ABCC5: variants seen among roughly 807,000 people sequenced by gnomAD.
The protein encoded by ABCC5 is ATP binding cassette subfamily C member 5, also known as ATP-binding cassette sub-family C member 5.
ABCC5 carries 61 observed loss-of-function variants against 160.9 expected under a neutral mutation model. That is an observed-to-expected ratio of 0.38 (90% confidence interval 0.31 to 0.47). ABCC5 has a LOEUF of 0.47. Ranked by LOEUF, ABCC5 falls within the 20% of genes least tolerant of loss-of-function variation. The probability of loss-of-function intolerance (pLI) is 0.99; values close to 1 mark genes in which losing one functional copy is unlikely to be tolerated. For synonymous variants in ABCC5, 666 were observed against 700.6 expected (o/e 0.95, Z 0.78); for missense variants, 1,308 against 1,813.3 (o/e 0.72, Z 5.06).
At position 183,951,898 on chromosome 3, in the gene ABCC5, T is replaced by A. The variant is rs1559998842; in HGVS notation, c.2773A>T (p.Met925Leu). The part of the protein sequence containing the change: ...ASIYALSMAV[M>L]LILKAIRGVV... Reference sequence around the variant, plus strand: ...CCTCGAATGGCTTTCAGGATCAGCATGACTGCCATGGAGAGGGCGTAGATG... The same window carrying A: ...CCTCGAATGGCTTTCAGGATCAGCAAGACTGCCATGGAGAGGGCGTAGATG... The change falls in exon 19 of 30, where the codon ATG (methionine) becomes TTG (leucine). Residue 925 changes from methionine to leucine, a missense_variant. Around this residue, in one of 3 missense-constraint regions of ABCC5, gnomAD observed 1,142 missense variants for 1,527.1 expected, o/e 0.75. Coordinates refer to ENST00000334444, the MANE Select transcript of ABCC5 (RefSeq NM_005688.4). This position sits in a 1 kb window ranked among gnomAD's most constrained non-coding sequence, Gnocchi z 4.7. The A allele has an allele frequency of 2.5e-6, 4 of 1,614,032 alleles. No homozygotes were observed. The highest frequency in any genetic ancestry group is 2.5e-6 in the Non-Finnish European group (3 of 1,179,914).
In ABCC5 at chr3:183,953,272, T is replaced by C; in HGVS notation, c.2483-2A>G. 2 of 1,588,236 alleles carry C rather than the reference T, an allele frequency of 1.3e-6. No individual in the cohort carries two copies. The highest frequency in any genetic ancestry group is 1.1e-5 in the South Asian group (1 of 87,962). ...TCTCTTCCAGCTGCACAAGCTGCCC[T>C]AGGTAAGAAAAAAAGAAACATGGAC... is the stretch of plus-strand genomic sequence containing the variant. On this transcript the variant is annotated splice_acceptor_variant, in intron 17 of 29. Coordinates refer to ENST00000334444, the MANE Select transcript of ABCC5 (RefSeq NM_005688.4). LOFTEE classifies it high-confidence loss of function.
intron 26 of ABCC5, among the ~76,000 whole-genome samples, chr3:183,929,562 C>G (rs1362730140): frequency 2.0e-5 from 3 of 152,154 alleles, no homozygotes; most frequent in Non-Finnish European, 4.4e-5. Context: ...GACAGCTGGC[C>G]TGACCAGGGA....
chr3:183,953,631 G>C (rs373880530), intron 17 of ABCC5, among the ~76,000 whole-genome samples: 1 of 152,158 alleles, frequency 6.6e-6, no homozygotes, highest in Non-Finnish European at 1.5e-5. Flanking sequence ...GGAACCCCTG[G>C]GAGGCATACT....
rs907269689 is a variant in ABCC5 at position 183,963,140 on chromosome 3, C to G, written c.2235+245G>C. Among the ~76,000 whole-genome samples the G allele has an allele frequency of 1.3e-5, 2 of 152,220 alleles. No homozygotes were observed. The highest frequency in any genetic ancestry group is 4.8e-5 in the African/African-American group (2 of 41,458). On this transcript the variant is annotated intron_variant, in intron 15 of 29. Transcript: ENST00000334444. The surrounding 1 kb of genome is among the most constrained non-coding windows in gnomAD (Gnocchi z 4.6). The stretch of plus-strand genomic sequence containing the variant: ...CAAACTCCATTTTTGGCCTGCTCCT[C>G]TCAGCCCTTTTACTTGCTGATCTAT...
intron 23 of ABCC5, 70 bp from the exon 24 acceptor site, chr3:183,946,009 T>A: frequency 1.5e-6 from 2 of 1,377,616 alleles, no homozygotes; most frequent in Non-Finnish European, 2.1e-6. Flanking sequence ...GCTGGAGAAC[T>A]TCCTTCATCT....
intron 27 of ABCC5, 116 bp from the exon 28 acceptor site, chr3:183,927,559 C>A: frequency 6.9e-7 from 1 of 1,456,974 alleles, no homozygotes; most frequent in South Asian, 1.3e-5. Flanking sequence ...AGCCAAGAAC[C>A]TGTCTCATCT....
chr3:183,988,035 T>C lies in ABCC5; in HGVS notation c.444-118A>G. On this transcript the variant is annotated intron_variant, in intron 4 of 29. Coordinates refer to ENST00000334444, the MANE Select transcript of ABCC5 (RefSeq NM_005688.4). This position sits in a 1 kb window ranked among gnomAD's most constrained non-coding sequence, Gnocchi z 4.4. ...GCCACCACTCACACAAGTCTCTCCT[T>C]TAAAATTATGTACATAGTCTTCACC... 1 of 1,128,548 alleles carries C rather than the reference T, an allele frequency of 8.9e-7. No homozygotes were observed. Among genetic ancestry groups the C allele is most frequent in the South Asian group, 1.4e-5 (1 of 69,080 alleles). The allele number at this position is 1,128,548 out of a possible 1,614,324, so 69.9% of individuals were successfully genotyped here.
intron 2 of ABCC5, among the ~76,000 whole-genome samples, chr3:184,001,918 G>A (rs1246031456): frequency 6.6e-6 from 1 of 152,206 alleles, no homozygotes; most frequent in African/African-American, 2.4e-5. Context: ...ACCCACAGCA[G>A]CTGCTTTGTC....
Position 183,942,926 on chromosome 3 carries a change from C to A in ABCC5, c.3505-10G>T. ...CTTCCAAGGACAGAGTCTGGGGAGA[C>A]AAGGGTGGCCAGTTCAGACTGACCA... On this transcript the variant is annotated splice_polypyrimidine_tract_variant and intron_variant, in intron 24 of 29. Transcript: ENST00000334444. The A allele has an allele frequency of 6.2e-7, 1 of 1,604,086 alleles. No individual in the cohort carries two copies. The highest frequency in any genetic ancestry group is 8.5e-7 in the Non-Finnish European group (1 of 1,174,222).
At position 184,012,868 on chromosome 3, in the gene ABCC5, T is replaced by C. The variant is rs1274815434; in HGVS notation, c.129+1396A>G. ...CAGAAAAGACTCATTAGCAAGAAAA[T>C]GTTCATTAATAAAGCAATGGCTTTA... On this transcript the variant is annotated intron_variant, in intron 2 of 29. Transcript: ENST00000334444. Among the ~76,000 whole-genome samples the C allele has an allele frequency of 3.3e-5, 5 of 152,100 alleles. No individual in the cohort carries two copies. The East Asian group carries it at 5.8e-4, about 18-fold the overall frequency.
At chr3:184,007,984 T>C (rs971442695) in intron 2 of ABCC5, among the ~76,000 whole-genome samples, 1 of 152,242 alleles carries the variant, frequency 6.6e-6, no homozygotes, top group African/African-American at 2.4e-5. Flanking sequence ...AAGTTCTTCA[T>C]TTCTCCAAAT....
intron 2 of ABCC5, among the ~76,000 whole-genome samples, chr3:183,995,634 T>C (rs73048403): frequency 1.1e-3 from 167 of 152,246 alleles, no homozygotes; most frequent in African/African-American, 3.9e-3. Context: ...CATTGATCTA[T>C]TTGTCTACCC....
At chr3:183,967,009 GTT>G (rs112821645) in intron 12 of ABCC5, among the ~76,000 whole-genome samples, 10 of 143,358 alleles carry the variant, frequency 7.0e-5, no homozygotes, top group South Asian at 4.5e-4. Flanking sequence ...TGGGCACCTT[GTT>G]TTTTTTTTTT....
chr3:183,922,361 GA>G (rs60053269), intron 29 of ABCC5, among the ~76,000 whole-genome samples: 61,341 of 152,014 alleles, frequency 0.4, 13,280 homozygotes, highest in East Asian at 0.5. Context: ...CAACAAGAGC[GA>G]AACTCCGTCT....
Position 183,927,325 on chromosome 3 carries a change from C to T in ABCC5, c.4047+5G>A, listed in dbSNP as rs375310847. 3.1e-6 allele frequency: 5 copies of T among 1,612,682 alleles called. No homozygotes were observed. The African/African-American group carries it at 6.7e-5, about 22-fold the overall frequency. ...TCTGCTGCTGCCAACCCCAAACTGC[C>T]TTACCTTACAGTGGCGGAGCAGGGC... On this transcript the variant is annotated splice_donor_5th_base_variant and intron_variant, in intron 28 of 29. Coordinates refer to ENST00000334444, the MANE Select transcript of ABCC5 (RefSeq NM_005688.4).
intron 2 of ABCC5, chr3:184,006,225 T>A (rs1393497013): frequency 6.8e-6 from 1 of 146,342 alleles, no homozygotes; most frequent in African/African-American, 2.6e-5. Flanking sequence ...CCAGACCAGA[T>A]ACGGTGTCAC....
rs1035864015 is a variant in ABCC5 at position 183,984,004 on chromosome 3, C to G, written c.592-997G>C. 1.8e-5 allele frequency: 18 copies of G among 985,270 alleles called. No individual in the cohort carries two copies. The Admixed American group carries it at 1.1e-3, about 61-fold the overall frequency. 61.0% of individuals were successfully genotyped at this position (985,270 alleles called of 1,614,324 possible). On this transcript the variant is annotated intron_variant, in intron 5 of 29. Coordinates refer to ENST00000334444, the MANE Select transcript of ABCC5 (RefSeq NM_005688.4). ...CCAAAGTAGTATATCAGGCTGACAG[C>G]ACTCAATCAGTGAGGGCTCCTGAGG... is the stretch of plus-strand genomic sequence containing the variant.
chr3:183,926,588 C>A (rs1437609482), intron 28 of ABCC5, among the ~76,000 whole-genome samples: 12 of 152,012 alleles, frequency 7.9e-5, no homozygotes, highest in Non-Finnish European at 1.6e-4. Context: ...CGGATTTAAT[C>A]AAATACTTGC....
chr3:183,953,458 G>A (rs188648974), intron 17 of ABCC5, among the ~76,000 whole-genome samples, 188 bp from the exon 18 acceptor site: 260 of 152,266 alleles, frequency 1.7e-3, no homozygotes, highest in African/African-American at 6.1e-3. Flanking sequence ...ACCAGACCCA[G>A]GATGAAGCCC....
Sources: gnomAD v4.1 joint callset for allele counts (sites outside exome capture counted in the v4.1 genomes callset) on GRCh38, gnomAD v4.1.1 for gene constraint, gnomAD v4.1.1 regional missense constraint, Gnocchi (gnomAD v3.1) non-coding constraint, MANE v1.5 for transcripts, NCBI Gene and HGNC (gene_info 2026-07-23, HGNC 2026-07-21) for gene names.